The following PRKDC variants were observed in gnomAD, a reference collection of about 807,000 sequenced individuals.
PRKDC encodes the protein DNA-dependent protein kinase catalytic subunit.
PRKDC carries 82 observed loss-of-function variants against 486.9 expected under a neutral mutation model. That is an observed-to-expected ratio of 0.17 (90% CI 0.14 to 0.20). The LOEUF is 0.20. Among genes scored for constraint, PRKDC ranks in the 10% least tolerant of loss-of-function variants. PRKDC has a pLI of 1.00. For missense variants in PRKDC, 4,504 were observed against 5,038.2 expected (o/e 0.89, Z 3.21); for synonymous variants, 1,895 against 1,837.0 (o/e 1.03, Z -0.81).
intron 76 of PRKDC, among the ~76,000 whole-genome samples, chr8:47,786,381 C>T (rs2086792058): frequency 6.6e-6 from 1 of 152,206 alleles, no homozygotes. Flanking sequence ...CACCGCACTC[C>T]AGCCTGGGCG....
chr8:47,814,044 G>C (rs943465034), intron 68 of PRKDC, among the ~76,000 whole-genome samples: 1 of 152,126 alleles, frequency 6.6e-6, no homozygotes, highest in Admixed American at 6.5e-5. Flanking sequence ...ACCGTATTGG[G>C]TTTACCCTAA....
rs1166246458 is a variant in PRKDC, at chr8:47,915,529, G to A, written c.2527-111C>T. On this transcript the variant is annotated intron_variant, in intron 22 of 85. Coordinates refer to ENST00000314191, the MANE Select transcript of PRKDC (RefSeq NM_006904.7). ...ACTTGGATGTCCATTTCCTAGAACCGCAGTTCCAAACTTTTTGGCAGGATC... is the reference window on the plus strand; with the variant it reads ...ACTTGGATGTCCATTTCCTAGAACCACAGTTCCAAACTTTTTGGCAGGATC... 1.7e-5 allele frequency: 11 copies of A among 632,538 alleles called. No homozygotes were observed. The Admixed American group carries it at 1.8e-4, about 10-fold the overall frequency. The allele number at this position is 632,538 out of a possible 1,614,324, so 39.2% of individuals were successfully genotyped here.
At chr8:47,881,598 A>C in intron 37 of PRKDC, 78 bp from the exon 38 acceptor site, 1 of 751,056 alleles carries the variant, frequency 1.3e-6, no homozygotes, top group Non-Finnish European at 2.1e-6. Context: ...TCAAATGTTT[A>C]AATTCCAGAA....
Position 47,954,371 on chromosome 8 carries a change from C to G in PRKDC, c.475G>C (p.Glu159Gln). The change falls in exon 5 of 86, where the codon GAA becomes CAA. Residue 159 changes from glutamate (E) to glutamine (Q), a missense_variant. This residue lies in a region of PRKDC where 1,969 missense variants were observed against 2,068.9 expected (regional missense o/e 0.95). Coordinates refer to ENST00000314191, the MANE Select transcript of PRKDC (RefSeq NM_006904.7). ...IGELFSKFYG[E>Q]LALKKKIPDT... ...GGTATTTTTTTTTTCAATGCAAGTTCTCCATAGAATTTACTAAATAATTCT... is the reference window on the plus strand; with the variant it reads ...GGTATTTTTTTTTTCAATGCAAGTTGTCCATAGAATTTACTAAATAATTCT... The G allele has an allele frequency of 7.4e-7, 1 of 1,347,570 alleles. No individual in the cohort carries two copies. The highest frequency in any genetic ancestry group is 1.0e-6 in the Non-Finnish European group (1 of 994,052). The allele number at this position is 1,347,570 out of a possible 1,614,324, so 83.5% of individuals were successfully genotyped here.
Position 47,893,223 on chromosome 8 carries a change from A to C in PRKDC, c.3763T>G (p.Cys1255Gly). The C allele has an allele frequency of 3.7e-6, 6 of 1,613,056 alleles. No homozygotes were observed. Among genetic ancestry groups the C allele is most frequent in the Non-Finnish European group, 5.1e-6 (6 of 1,179,438 alleles). ...RGPFSLQATLCWLDLLLAALE... is the reference protein window; with the variant it reads ...RGPFSLQATLGWLDLLLAALE... ...GCGGCCAGGAGCAGGTCCAGCCAGC[A>C]TAGCGTGGCCTGCAGGCTGAATGGC... The change falls in exon 31 of 86, where the codon TGC becomes GGC. Residue 1255 changes from cysteine (C) to glycine (G), a missense_variant. Cys to Gly is a radical substitution (Grantham distance 159). Transcript: ENST00000314191.
At chr8:47,894,053 G>A (rs2089522956) in intron 30 of PRKDC, among the ~76,000 whole-genome samples, 2 of 152,146 alleles carry the variant, frequency 1.3e-5, no homozygotes, top group African/African-American at 4.8e-5. Context: ...GGCTGAGATG[G>A]GCGGATCACT....
chr8:47,885,763 G>C (rs531323805), intron 36 of PRKDC, among the ~76,000 whole-genome samples, 181 bp downstream of exon 36: 1 of 152,044 alleles, frequency 6.6e-6, no homozygotes, highest in Non-Finnish European at 1.5e-5. Flanking sequence ...GTGGTGGCGG[G>C]TGCCTGTAAT....
chr8:47,839,601 A>C (rs967162383), intron 55 of PRKDC, among the ~76,000 whole-genome samples: 1 of 152,198 alleles, frequency 6.6e-6, no homozygotes, highest in South Asian at 2.1e-4. Flanking sequence ...TATAAGCACA[A>C]CACCACACTT....
rs8178173 is a variant in PRKDC, at chr8:47,840,517, G to GA, written c.7281-329_7281-328insT. On this transcript the variant is annotated intron_variant, in intron 54 of 85. Coordinates refer to ENST00000314191, the MANE Select transcript of PRKDC (RefSeq NM_006904.7). The stretch of plus-strand genomic sequence containing the variant: ...TGACAAATGTACCAAGATTATGTAA[G>GA]GGGGAAAGTTGGGTAAAGGGTGTAT... 6.9e-3 allele frequency among the ~76,000 whole-genome samples: 1,050 copies of GA among 152,284 alleles called. 9 individuals carry two copies. The highest frequency in any genetic ancestry group is 0.025 in the South Asian group (121 of 4,820).
At chr8:47,797,125 G>A (rs959975201) in intron 73 of PRKDC, among the ~76,000 whole-genome samples, 2 of 152,148 alleles carry the variant, frequency 1.3e-5, no homozygotes, top group Non-Finnish European at 2.9e-5. Context: ...TGTGAGCTGA[G>A]GACAGCATGG....
chr8:47,891,199 G>A (rs1212784350), intron 31 of PRKDC, among the ~76,000 whole-genome samples: 3 of 152,128 alleles, frequency 2.0e-5, no homozygotes, highest in East Asian at 1.9e-4. Flanking sequence ...ACTCCAAGGT[G>A]CACAGCCCTT....
Position 47,893,216 on chromosome 8 carries a change from A to G in PRKDC, c.3770T>C (p.Leu1257Pro). 1 of 1,613,084 alleles carries G rather than the reference A, an allele frequency of 6.2e-7. No individual in the cohort carries two copies. The highest frequency in any genetic ancestry group is 8.5e-7 in the Non-Finnish European group (1 of 1,179,448). ...PFSLQATLCW[L>P]DLLLAALECY... ...CTCCAACGCGGCCAGGAGCAGGTCC[A>G]GCCAGCATAGCGTGGCCTGCAGGCT... The change falls in exon 31 of 86, where the codon CTG (leucine) becomes CCG (proline). Residue 1257 changes from leucine to proline, a missense_variant. Transcript: ENST00000314191.
intron 38 of PRKDC, among the ~76,000 whole-genome samples, chr8:47,880,775 C>A (rs376602875): frequency 2.0e-5 from 3 of 151,868 alleles, no homozygotes; most frequent in African/African-American, 7.3e-5. Context: ...TGTTCTAGGC[C>A]GGGTGTGGTG....
At chr8:47,897,013 G>C (rs977646178) in intron 30 of PRKDC, 148 bp downstream of exon 30, 1 of 875,212 alleles carries the variant, frequency 1.1e-6, no homozygotes, top group African/African-American at 1.7e-5. Flanking sequence ...AAACAGAACT[G>C]CATTACCTCA....
intron 7 of PRKDC, 81 bp from the exon 8 acceptor site, chr8:47,944,110 A>C: frequency 2.8e-6 from 3 of 1,085,006 alleles, no homozygotes; most frequent in Non-Finnish European, 4.1e-6. Context: ...TGACACCTAT[A>C]TTAACCCCAT....
Position 47,957,240 on chromosome 8 carries a change from G to A in PRKDC, c.255C>T (p.Ile85=), listed in dbSNP as rs1173662184. 1.9e-6 allele frequency: 3 copies of A among 1,601,230 alleles called. No individual in the cohort carries two copies. In the Admixed American group the frequency reaches 5.0e-5, roughly 27 times the overall value. The change falls in exon 3 of 86, where the codon ATC becomes ATT. Residue 85 remains isoleucine, a synonymous_variant. Transcript: ENST00000314191. ...CTAAGAAAATACATAAAAACTTTAG[G>A]ATTTCTTCTCTACATTCACGAAACT... is the stretch of plus-strand genomic sequence containing the variant. ...SIEFRECREE[I]LKFLCIFLEK...
At chr8:47,921,815 GCT>G (rs2090076575) in intron 21 of PRKDC, among the ~76,000 whole-genome samples, 1 of 152,276 alleles carries the variant, frequency 6.6e-6, no homozygotes, top group Admixed American at 6.5e-5. Context: ...ACAGAGTCTT[GCT>G]CTGTCACCCA....
At chr8:47,957,291 A>T in intron 2 of PRKDC, 28 bp from the exon 3 acceptor site, 1 of 1,581,968 alleles carries the variant, frequency 6.3e-7, no homozygotes, top group South Asian at 1.1e-5. Context: ...CATATTGTAA[A>T]TATGGGTAAG....
In PRKDC at chr8:47,882,062, G is replaced by A. The variant is rs1426303227; in HGVS notation, c.4812C>T (p.Ser1604=). 6.2e-7 allele frequency: 1 copy of A among 1,613,958 alleles called. No individual in the cohort carries two copies. Among genetic ancestry groups the A allele is most frequent in the South Asian group, 1.1e-5 (1 of 91,078 alleles). ...GTTTCTGGTTTGCTCGCTCCCTGAA[G>A]CTCTGGTCTAACATGCCGTTCAAAA... ...SAVLNGMLDQ[S]FRERANQKHQ... is the part of the protein sequence containing the mutation. The change falls in exon 37 of 86, where the codon AGC becomes AGT. Residue 1604 remains serine, a synonymous_variant. Transcript: ENST00000314191.
Sources: allele counts gnomAD v4.1 joint callset (sites outside exome capture counted in the v4.1 genomes callset), GRCh38; gene constraint gnomAD v4.1.1; regional missense constraint gnomAD v4.1.1; transcripts MANE v1.5; gene names NCBI Gene and HGNC (gene_info 2026-07-23, HGNC 2026-07-21).